Variants in UNC5D observed in about 807,000 individuals in gnomAD.
UNC5D encodes netrin receptor UNC5D.
In UNC5D, 39 loss-of-function variants were observed where a neutral mutation model predicts 105.4. That is an observed-to-expected ratio of 0.37 (90% CI 0.29 to 0.48). The LOEUF is 0.48. Among genes scored for constraint, UNC5D ranks in the 20% least tolerant of loss-of-function variants. UNC5D has a pLI of 0.98. For synonymous variants in UNC5D, 452 were observed against 450.4 expected (o/e 1.00, Z -0.04); for missense variants, 991 against 1,202.4 (o/e 0.82, Z 2.60).
intron 1 of UNC5D, among the ~76,000 whole-genome samples, chr8:35,516,534 A>G (rs574867014): frequency 1.2e-4 from 18 of 152,320 alleles, no homozygotes; most frequent in South Asian, 1.0e-3. Context: ...TTCCTACATC[A>G]TGCCATCAAT....
At chr8:35,312,151 A>G (rs1808937832) in intron 1 of UNC5D, among the ~76,000 whole-genome samples, 3 of 152,222 alleles carry the variant, frequency 2.0e-5, no homozygotes, top group Admixed American at 2.0e-4. Context: ...TCACAGCACC[A>G]TAAATCATTG....
intron 4 of UNC5D, among the ~76,000 whole-genome samples, chr8:35,614,996 G>A (rs902269178): frequency 4.1e-4 from 62 of 149,916 alleles, no homozygotes; most frequent in Middle Eastern, 3.5e-3. Flanking sequence ...AATCGCTTGA[G>A]GCCAGGAGTT....
chr8:35,493,433 G>A (rs923511355), intron 1 of UNC5D, among the ~76,000 whole-genome samples: 12 of 152,040 alleles, frequency 7.9e-5, no homozygotes, highest in Non-Finnish European at 1.6e-4. Context: ...TGTGTGTTAT[G>A]AAATGTTGTG....
At chr8:35,365,048 AT>A (rs1343187813) in intron 1 of UNC5D, among the ~76,000 whole-genome samples, 1 of 152,128 alleles carries the variant, frequency 6.6e-6, no homozygotes, top group African/African-American at 2.4e-5. Context: ...TTGTAGTGGT[AT>A]GTCATCTTCT....
intron 4 of UNC5D, among the ~76,000 whole-genome samples, chr8:35,678,755 A>G (rs1045554621): frequency 8.5e-5 from 13 of 152,124 alleles, no homozygotes; most frequent in African/African-American, 3.1e-4. Context: ...TTTGTCATGT[A>G]GCTTTGGCAT....
At chr8:35,464,793 G>C (rs888041052) in intron 1 of UNC5D, among the ~76,000 whole-genome samples, 6 of 152,124 alleles carry the variant, frequency 3.9e-5, no homozygotes, top group African/African-American at 1.4e-4. Context: ...CAAGTCATGG[G>C]CTACTGTGTT....
intron 1 of UNC5D, among the ~76,000 whole-genome samples, chr8:35,517,536 A>T (rs998271921): frequency 6.6e-6 from 1 of 152,104 alleles, no homozygotes; most frequent in African/African-American, 2.4e-5. Flanking sequence ...TAAAAGAGAG[A>T]TCACTATCCT....
chr8:35,363,719 G>C (rs1288923151), intron 1 of UNC5D, among the ~76,000 whole-genome samples: 1 of 152,016 alleles, frequency 6.6e-6, no homozygotes, highest in Non-Finnish European at 1.5e-5. Context: ...TTTTCTGCTT[G>C]TAATTTAGAA....
At position 35,235,900 on chromosome 8, in the gene UNC5D, C is replaced by G; in HGVS notation, c.103+13C>G. The G allele has an allele frequency of 8.3e-7, 1 of 1,210,076 alleles. No homozygotes were observed. Among genetic ancestry groups the G allele is most frequent in the Non-Finnish European group, 1.0e-6 (1 of 979,798 alleles). 75.0% of individuals were successfully genotyped at this position (1,210,076 alleles called of 1,614,324 possible). ...GCGGCTGCCCGAGGTAAGCGCTGGG[C>G]GGAGCGGGCAGCTGGGGGCGAGGGC... On this transcript the variant is annotated intron_variant, in intron 1 of 16. Transcript: ENST00000404895.
At chr8:35,271,221 A>G (rs951561741) in intron 1 of UNC5D, among the ~76,000 whole-genome samples, 1 of 148,410 alleles carries the variant, frequency 6.7e-6, no homozygotes, top group Admixed American at 6.7e-5. Flanking sequence ...CTAAAAAAGT[A>G]TACCTGTATA....
chr8:35,571,850 A>G (rs1031000508), intron 3 of UNC5D, among the ~76,000 whole-genome samples: 1 of 152,224 alleles, frequency 6.6e-6, no homozygotes, highest in African/African-American at 2.4e-5. Context: ...AATGTAGCTT[A>G]TGAATCTGAT....
At chr8:35,657,244 C>T (rs1237943433) in intron 4 of UNC5D, among the ~76,000 whole-genome samples, 4 of 150,576 alleles carry the variant, frequency 2.7e-5, no homozygotes, top group Admixed American at 2.0e-4. Context: ...AAATCATGTT[C>T]TTAGGTACAC....
At chr8:35,696,282 ATT>A (rs755876112) in intron 7 of UNC5D, among the ~76,000 whole-genome samples, 55 of 113,170 alleles carry the variant, frequency 4.9e-4, no homozygotes, top group African/African-American at 7.8e-4. Context: ...TCAATATTTA[ATT>A]TTTTTTTTTT....
intron 1 of UNC5D, among the ~76,000 whole-genome samples, chr8:35,300,063 G>T (rs912124657): frequency 6.6e-6 from 1 of 152,116 alleles, no homozygotes; most frequent in Admixed American, 6.6e-5. Flanking sequence ...TATAGGAAGT[G>T]GATGAGGAAG....
intron 1 of UNC5D, among the ~76,000 whole-genome samples, chr8:35,533,563 G>T (rs1299050327): frequency 6.6e-6 from 1 of 152,228 alleles, no homozygotes; most frequent in Non-Finnish European, 1.5e-5. Context: ...CTTGAGCTGT[G>T]GTGGGCTCCA....
chr8:35,541,553 G>T (rs1293725599), intron 1 of UNC5D, among the ~76,000 whole-genome samples: 1 of 152,062 alleles, frequency 6.6e-6, no homozygotes, highest in Admixed American at 6.6e-5. Flanking sequence ...CCGCTGTTGG[G>T]CTACCTTCTC....
rs550816558 is a variant in UNC5D, at chr8:35,738,743, A to G, written c.1766+7647A>G. Among the ~76,000 whole-genome samples the G allele has an allele frequency of 2.0e-5, 3 of 152,320 alleles. No homozygotes were observed. The South Asian group carries it at 6.2e-4, about 32-fold the overall frequency. On this transcript the variant is annotated intron_variant, in intron 11 of 16. Coordinates refer to ENST00000404895, the MANE Select transcript of UNC5D (RefSeq NM_080872.4). The stretch of plus-strand genomic sequence containing the variant: ...TGCCAAGATTAGGAAATCAGTGACC[A>G]GTCAAGCAGGGCAGGTCAGTCAAGC...
chr8:35,504,770 A>T (rs1290352830), intron 1 of UNC5D, among the ~76,000 whole-genome samples: 1 of 149,886 alleles, frequency 6.7e-6, no homozygotes, highest in Non-Finnish European at 1.5e-5. Flanking sequence ...GAACTCAGGC[A>T]TCTGAATTCT....
chr8:35,618,511 A>G (rs973408331), intron 4 of UNC5D, among the ~76,000 whole-genome samples: 4 of 152,162 alleles, frequency 2.6e-5, no homozygotes, highest in African/African-American at 7.2e-5. Context: ...CAAATACTAG[A>G]TTTTATTTAT....
Sources: gnomAD v4.1 joint callset for allele counts (sites outside exome capture counted in the v4.1 genomes callset) on GRCh38, gnomAD v4.1.1 for gene constraint, MANE v1.5 for transcripts, NCBI Gene and HGNC (gene_info 2026-07-23, HGNC 2026-07-21) for gene names.